The following PBX3 variants were observed in gnomAD, a reference collection of about 807,000 sequenced individuals.
PBX3 encodes the protein PBX homeobox 3, also known as pre-B-cell leukemia transcription factor 3.
In PBX3, 14 loss-of-function variants were observed where a neutral mutation model predicts 48.5. That is an observed-to-expected ratio of 0.29 (90% confidence interval 0.19 to 0.45). The LOEUF (loss-of-function observed/expected upper bound fraction) is 0.45, where lower values mean the gene tolerates loss of function less well. Among genes scored for constraint, PBX3 ranks in the 20% least tolerant of loss-of-function variants. PBX3 has a pLI of 1.00. For synonymous variants in PBX3, 210 were observed against 200.3 expected, an observed-to-expected ratio of 1.05 and a Z score of -0.41; for missense variants, 386 against 546.7, an observed-to-expected ratio of 0.71 and a Z score of 2.93.
At position 125,935,591 on chromosome 9, in the gene PBX3, G is replaced by A. The variant is rs2132529752; in HGVS notation, c.827G>A (p.Ser276Asn). ...EAKEELAKKC[S>N]ITVSQVSNWF... The stretch of plus-strand genomic sequence containing the variant: ...AAAGAGGAGCTGGCCAAGAAATGCA[G>A]CATCACAGTGTCACAGGTGAGAAAG... The change falls in exon 5 of 9, where the codon AGC (serine) becomes AAC (asparagine). Residue 276 changes from serine (S) to asparagine (N), a missense_variant. Ser to Asn is a conservative substitution (Grantham distance 46, BLOSUM62 1). Coordinates refer to ENST00000373489, the MANE Select transcript of PBX3 (RefSeq NM_006195.6). 1.9e-6 allele frequency: 3 copies of A among 1,613,754 alleles called. No individual in the cohort carries two copies. Among genetic ancestry groups the A allele is most frequent in the Non-Finnish European group, 2.5e-6 (3 of 1,179,814 alleles).
intron 7 of PBX3, among the ~76,000 whole-genome samples, chr9:125,962,693 GAGAA>G (rs1842455005): frequency 6.6e-6 from 1 of 152,170 alleles, no homozygotes; most frequent in African/African-American, 2.4e-5. Context: ...GAGAAAGTGA[GAGAA>G]AGAGAGTTGA....
chr9:125,814,995 C>G lies in PBX3; in HGVS notation c.274+66372C>G, dbSNP rs572398381. On this transcript the variant is annotated intron_variant, in intron 2 of 8. Coordinates refer to ENST00000373489, the MANE Select transcript of PBX3 (RefSeq NM_006195.6). ...TTCTAACTCATCTTTTATCAGAATT[C>G]TGAAAGATAAAATCTTCCTTATTTC... Among the ~76,000 whole-genome samples the G allele has an allele frequency of 7.9e-5, 12 of 152,316 alleles. No individual in the cohort carries two copies. The South Asian group carries it at 2.5e-3, about 32-fold the overall frequency.
chr9:125,892,213 ACTCCTGGC>A (rs1840664091), intron 2 of PBX3, among the ~76,000 whole-genome samples: 1 of 151,450 alleles, frequency 6.6e-6, no homozygotes, highest in Non-Finnish European at 1.5e-5. Flanking sequence ...ATGAGCCACC[ACTCCTGGC>A]CTCAATCAGC....
chr9:125,790,353 A>G (rs1837566236), intron 2 of PBX3, among the ~76,000 whole-genome samples: 1 of 151,556 alleles, frequency 6.6e-6, no homozygotes, highest in African/African-American at 2.4e-5. Flanking sequence ...CCCGGGTTCA[A>G]GTGATTCTCG....
intron 2 of PBX3, among the ~76,000 whole-genome samples, chr9:125,815,153 G>GTA (rs1438159652): frequency 6.6e-6 from 1 of 152,020 alleles, no homozygotes; most frequent in Admixed American, 6.6e-5. Flanking sequence ...GTCCTTCAGG[G>GTA]TAACTTTCTG....
At chr9:125,898,559 C>G (rs1840830702) in intron 2 of PBX3, among the ~76,000 whole-genome samples, 1 of 151,580 alleles carries the variant, frequency 6.6e-6, no homozygotes, top group African/African-American at 2.4e-5. Flanking sequence ...TGACTAAATT[C>G]TGAACTGGTT....
intron 2 of PBX3, chr9:125,843,902 G>A: frequency 4.6e-6 from 2 of 434,386 alleles, no homozygotes; most frequent in Non-Finnish European, 9.3e-6. Flanking sequence ...GGTTAATGTA[G>A]TATGGAGAGA....
chr9:125,803,302 G>A (rs1406122400), intron 2 of PBX3, among the ~76,000 whole-genome samples: 1 of 151,266 alleles, frequency 6.6e-6, no homozygotes, highest in African/African-American at 2.4e-5. Flanking sequence ...TGGCCAGGCT[G>A]GTCTTGAACT....
intron 2 of PBX3, among the ~76,000 whole-genome samples, chr9:125,913,061 C>T (rs58446112): frequency 1.2e-4 from 19 of 152,048 alleles, no homozygotes; most frequent in African/African-American, 4.3e-4. Flanking sequence ...TTTAAAGATC[C>T]CATAATCATT....
rs1564639563 is a variant in PBX3 at position 125,757,285 on chromosome 9, A to ATTT, written c.274+8662_274+8663insTTT. On this transcript the variant is annotated intron_variant, in intron 2 of 8. Coordinates refer to ENST00000373489, the MANE Select transcript of PBX3 (RefSeq NM_006195.6). ...CTCCTCCCACCATTGTTTTTTTTTAAAAAAAAAACTACAGGTGAAGGTTGT... is the reference window on the plus strand; with the variant it reads ...CTCCTCCCACCATTGTTTTTTTTTAATTTAAAAAAAACTACAGGTGAAGGTTGT... 1.7e-3 allele frequency among the ~76,000 whole-genome samples: 253 copies of ATTT among 145,598 alleles called. 1 individual carries two copies. Among genetic ancestry groups the ATTT allele is most frequent in the African/African-American group, 5.2e-3 (212 of 40,942 alleles).
chr9:125,772,780 C>T (rs1348524143), intron 2 of PBX3, among the ~76,000 whole-genome samples: 1 of 152,184 alleles, frequency 6.6e-6, no homozygotes, highest in Non-Finnish European at 1.5e-5. Context: ...GAGAAACATA[C>T]TGGGGCATGT....
intron 5 of PBX3, among the ~76,000 whole-genome samples, chr9:125,957,724 G>A (rs1182150678): frequency 6.6e-6 from 1 of 152,212 alleles, no homozygotes; most frequent in Non-Finnish European, 1.5e-5. Flanking sequence ...TGGAAGAAGA[G>A]AATTCTAAGA....
intron 2 of PBX3, among the ~76,000 whole-genome samples, chr9:125,871,560 CATT>C (rs746596681): frequency 2.0e-5 from 3 of 151,904 alleles, no homozygotes; most frequent in Non-Finnish European, 4.4e-5. Context: ...TAACAGAAAA[CATT>C]ATATAATTCC....
At chr9:125,872,664 G>A (rs1035689257) in intron 2 of PBX3, among the ~76,000 whole-genome samples, 2 of 151,936 alleles carry the variant, frequency 1.3e-5, no homozygotes, top group Non-Finnish European at 2.9e-5. Flanking sequence ...GGAGGCTGAG[G>A]CAGGAGGATC....
intron 2 of PBX3, among the ~76,000 whole-genome samples, chr9:125,760,891 G>A (rs1311745742): frequency 6.6e-6 from 1 of 152,148 alleles, no homozygotes; most frequent in African/African-American, 2.4e-5. Flanking sequence ...AAAAGTAAAT[G>A]TTCTACATGT....
chr9:125,839,681 T>C (rs954367318), intron 2 of PBX3, among the ~76,000 whole-genome samples: 1 of 152,214 alleles, frequency 6.6e-6, no homozygotes, highest in African/African-American at 2.4e-5. Context: ...GAAGATGTTT[T>C]GGATATGTAT....
At chr9:125,769,834 A>T (rs182496194) in intron 2 of PBX3, among the ~76,000 whole-genome samples, 116 of 152,228 alleles carry the variant, frequency 7.6e-4, no homozygotes, top group Middle Eastern at 3.4e-3. Flanking sequence ...GGACGAGGAG[A>T]TTTCTAAGGC....
At chr9:125,953,476 C>CAA (rs35262454) in intron 5 of PBX3, among the ~76,000 whole-genome samples, 11,186 of 144,734 alleles carry the variant, frequency 0.077, 1,365 homozygotes, top group African/African-American at 0.26. Flanking sequence ...GACCCTGTCT[C>CAA]AAAAAAAAAA....
chr9:125,929,517 G>T, intron 3 of PBX3, 138 bp from the exon 4 acceptor site: 1 of 563,780 alleles, frequency 1.8e-6, no homozygotes, highest in East Asian at 3.1e-5. Context: ...CATTTTACAA[G>T]TGTCTTAGTT....
Sources: allele counts gnomAD v4.1 joint callset (sites outside exome capture counted in the v4.1 genomes callset), GRCh38; gene constraint gnomAD v4.1.1; transcripts MANE v1.5; gene names NCBI Gene and HGNC (gene_info 2026-07-23, HGNC 2026-07-21).